ZEB2: variants seen among roughly 807,000 people sequenced by gnomAD.
ZEB2 encodes zinc finger E-box-binding homeobox 2.
Under a neutral mutation model 99.9 loss-of-function variants are expected in ZEB2, and 6 were observed. The ratio of observed to expected loss-of-function variants is 0.06; its 90% confidence interval spans 0.03 to 0.12. The LOEUF (loss-of-function observed/expected upper bound fraction) is 0.12, where lower values mean the gene tolerates loss of function less well. Among genes scored for constraint, ZEB2 ranks in the 10% least tolerant of loss-of-function variants. ZEB2 has a pLI of 1.00. For missense variants in ZEB2, 969 were observed against 1,502.8 expected (o/e 0.64, Z 5.87); for synonymous variants, 517 against 542.5 (o/e 0.95, Z 0.65).
chr2:144,467,382 G>T (rs1052373084), intron 2 of ZEB2, among the ~76,000 whole-genome samples: 1 of 152,086 alleles, frequency 6.6e-6, no homozygotes. Context: ...AGACCAAATA[G>T]GTGTCTTCAC....
chr2:144,499,981 C>T (rs931832629), intron 2 of ZEB2, among the ~76,000 whole-genome samples: 7 of 152,192 alleles, frequency 4.6e-5, no homozygotes, highest in South Asian at 4.1e-4. Context: ...AAAAAAGATA[C>T]AGAATGCATG....
intron 4 of ZEB2, among the ~76,000 whole-genome samples, chr2:144,421,451 A>C (rs1283992870): frequency 6.6e-6 from 1 of 152,230 alleles, no homozygotes; most frequent in Non-Finnish European, 1.5e-5. Flanking sequence ...ACTTGTAGCT[A>C]GGAAGAAAGA....
chr2:144,448,129 C>G (rs1413333149), intron 2 of ZEB2, among the ~76,000 whole-genome samples: 2 of 152,140 alleles, frequency 1.3e-5, no homozygotes, highest in African/African-American at 4.8e-5. Flanking sequence ...ACAGTGAGTT[C>G]CGTATCATTC....
chr2:144,465,992 A>G (rs1704267075), intron 2 of ZEB2, among the ~76,000 whole-genome samples: 1 of 152,156 alleles, frequency 6.6e-6, no homozygotes, highest in Admixed American at 6.6e-5. Flanking sequence ...CCAGGGCAGA[A>G]CTTTCCAGTC....
chr2:144,396,852 G>A (rs1703236473), intron 8 of ZEB2, among the ~76,000 whole-genome samples: 1 of 152,130 alleles, frequency 6.6e-6, no homozygotes, highest in Non-Finnish European at 1.5e-5. Flanking sequence ...AACTCTGAAG[G>A]TGAGAGAAAC....
At chr2:144,405,099 C>A (rs1361521192) in intron 4 of ZEB2, 75 bp from the exon 5 acceptor site, 6 of 1,484,794 alleles carry the variant, frequency 4.0e-6, no homozygotes, top group Non-Finnish European at 5.5e-6. Flanking sequence ...TCCATCATAG[C>A]CAGTGAGAAA....
At chr2:144,395,518 A>G (rs1198952305) in intron 9 of ZEB2, among the ~76,000 whole-genome samples, 1 of 151,626 alleles carries the variant, frequency 6.6e-6, no homozygotes, top group African/African-American at 2.4e-5. Context: ...TTCCCCCCCG[A>G]TCCAGGGCTA....
intron 2 of ZEB2, among the ~76,000 whole-genome samples, chr2:144,484,074 T>C (rs1401687158): frequency 6.6e-6 from 1 of 152,058 alleles, no homozygotes; most frequent in Admixed American, 6.5e-5. Flanking sequence ...GGGAAGTTGA[T>C]TGATTTTTCT....
intron 2 of ZEB2, among the ~76,000 whole-genome samples, chr2:144,499,239 A>G (rs1704833922): frequency 6.6e-6 from 1 of 152,206 alleles, no homozygotes; most frequent in African/African-American, 2.4e-5. Flanking sequence ...AGATACTCAA[A>G]CCCCATATTC....
chr2:144,398,381 C>G lies in ZEB2; in HGVS notation c.2806G>C (p.Ala936Pro). The change falls in exon 8 of 10, where the codon GCC (alanine) becomes CCC (proline). Residue 936 changes from alanine to proline, a missense_variant. Ala to Pro is a conservative substitution (Grantham distance 27, BLOSUM62 -1). Around this residue, in one of 8 missense-constraint regions of ZEB2, gnomAD observed 346 missense variants for 460.0 expected, o/e 0.75. Transcript: ENST00000627532. The part of the protein sequence containing the change: ...LDQMSFLPHM[A>P]YTYPTGAATF... ...GCTGCTCCAGTTGGGTAGGTGTAGG[C>G]CATATGTGGTAGGAAGCTCATCTGA... 1 of 1,614,002 alleles carries G rather than the reference C, an allele frequency of 6.2e-7. No homozygotes were observed. The highest frequency in any genetic ancestry group is 8.5e-7 in the Non-Finnish European group (1 of 1,179,970).
chr2:144,434,136 T>C (rs749933456), intron 2 of ZEB2, among the ~76,000 whole-genome samples: 5 of 152,184 alleles, frequency 3.3e-5, no homozygotes, highest in Non-Finnish European at 7.4e-5. Context: ...GGGCAATACT[T>C]CGTCTTCACC....
In ZEB2 at chr2:144,407,596, G is replaced by A. The variant is rs115867334; in HGVS notation, c.404-2572C>T. On this transcript the variant is annotated intron_variant, in intron 4 of 9. Transcript: ENST00000627532. ...CCTTTTACTTTTGATGGGAAGAAAG[G>A]ATAAAAGGGGCAAAATGGCAGAGCC... Among the ~76,000 whole-genome samples, 818 of 152,286 alleles carry A rather than the reference G, an allele frequency of 5.4e-3. 12 individuals carry two copies. Among genetic ancestry groups the A allele is most frequent in the African/African-American group, 0.019 (779 of 41,558 alleles).
chr2:144,476,807 A>T (rs1347547346), intron 2 of ZEB2, among the ~76,000 whole-genome samples: 1 of 152,214 alleles, frequency 6.6e-6, no homozygotes, highest in Non-Finnish European at 1.5e-5. Flanking sequence ...CAGATGCCCT[A>T]ATGAATGGGC....
chr2:144,424,914 T>G lies in ZEB2; in HGVS notation c.332-47A>C, dbSNP rs777855352. 27 of 1,591,698 alleles carry G rather than the reference T, an allele frequency of 1.7e-5. No homozygotes were observed. In the East Asian group the frequency reaches 5.4e-4, roughly 32 times the overall value. ...AGCATTTGAGAATTGTAGAAAGGCTTACTATACTAAGCATGCCAAGCACAG... is the reference window on the plus strand; with the variant it reads ...AGCATTTGAGAATTGTAGAAAGGCTGACTATACTAAGCATGCCAAGCACAG... On this transcript the variant is annotated intron_variant, in intron 3 of 9. Coordinates refer to ENST00000627532, the MANE Select transcript of ZEB2 (RefSeq NM_014795.4).
Position 144,410,938 on chromosome 2 carries a change from T to C in ZEB2, c.404-5914A>G, listed in dbSNP as rs758489459. ...TAATAACTGTTTATTGAGTGCCTAC[T>C]AGTGCCAGTGTTCTTGGAAATGAGG... On this transcript the variant is annotated intron_variant, in intron 4 of 9. Transcript: ENST00000627532. Among the ~76,000 whole-genome samples the C allele has an allele frequency of 2.8e-4, 42 of 151,140 alleles. 1 individual carries two copies. Among genetic ancestry groups the C allele is most frequent in the Non-Finnish European group, 5.0e-4 (34 of 67,782 alleles).
rs1205753233 is a variant in ZEB2, at chr2:144,411,097, A to ATATG, written c.404-6077_404-6074dup. On this transcript the variant is annotated intron_variant, in intron 4 of 9. Transcript: ENST00000627532. ...TATATATATATATATATATATATAT[A>ATATG]TATGTATAATAGGGCATCTCATATA... 1.3e-3 allele frequency among the ~76,000 whole-genome samples: 124 copies of ATATG among 99,096 alleles called. 1 individual carries two copies. Among genetic ancestry groups the ATATG allele is most frequent in the African/African-American group, 2.9e-3 (85 of 29,124 alleles). 65.0% of individuals were successfully genotyped at this position (99,096 alleles called of 152,430 possible).
At chr2:144,472,217 A>G (rs1704367430) in intron 2 of ZEB2, among the ~76,000 whole-genome samples, 1 of 151,028 alleles carries the variant, frequency 6.6e-6, no homozygotes, top group Admixed American at 6.6e-5. Context: ...CATCATCATC[A>G]TCATCATATC....
At chr2:144,445,830 T>C (rs779671312) in intron 2 of ZEB2, among the ~76,000 whole-genome samples, 17 of 152,212 alleles carry the variant, frequency 1.1e-4, no homozygotes, top group Non-Finnish European at 1.8e-4. Flanking sequence ...GCAGTATTCC[T>C]AGGACTTTCC....
At chr2:144,467,304 T>C (rs1704285855) in intron 2 of ZEB2, among the ~76,000 whole-genome samples, 2 of 152,174 alleles carry the variant, frequency 1.3e-5, no homozygotes, top group South Asian at 4.1e-4. Flanking sequence ...GTTTCTACTC[T>C]CTGAACTGCT....
Sources: allele counts gnomAD v4.1 joint callset (sites outside exome capture counted in the v4.1 genomes callset), GRCh38; gene constraint gnomAD v4.1.1; regional missense constraint gnomAD v4.1.1; transcripts MANE v1.5; gene names NCBI Gene and HGNC (gene_info 2026-07-23, HGNC 2026-07-21).